SLC30A9: variants seen among roughly 807,000 people sequenced by gnomAD.
SLC30A9 encodes the protein proton-coupled zinc antiporter SLC30A9, mitochondrial.
Under a neutral mutation model 87.5 loss-of-function variants are expected in SLC30A9, and 58 were observed. That is an observed-to-expected ratio of 0.66 (90% CI 0.54 to 0.82). The LOEUF (loss-of-function observed/expected upper bound fraction) is 0.82, where lower values mean the gene tolerates loss of function less well. SLC30A9 is among the 40% of genes least tolerant of loss of function. The pLI is 0.00. For synonymous variants in SLC30A9, 234 were observed against 233.0 expected (o/e 1.00, Z -0.04); for missense variants, 557 against 679.1 (o/e 0.82, Z 2.00).
At chr4:42,021,571 G>A (rs1715949766) in intron 4 of SLC30A9, among the ~76,000 whole-genome samples, 1 of 152,100 alleles carries the variant, frequency 6.6e-6, no homozygotes, top group South Asian at 2.1e-4. Context: ...CAGAATTTAA[G>A]AGAAAGGAAA....
At chr4:42,011,561 A>AC (rs1458026936) in intron 2 of SLC30A9, among the ~76,000 whole-genome samples, 7 of 152,178 alleles carry the variant, frequency 4.6e-5, no homozygotes, top group Non-Finnish European at 2.9e-5. Context: ...GAGCACAAGA[A>AC]TGTGAAGAGG....
Position 42,025,822 on chromosome 4 carries a change from C to T in SLC30A9, c.610+2438C>T, listed in dbSNP as rs189922862. On this transcript the variant is annotated intron_variant, in intron 6 of 17. Coordinates refer to ENST00000264451, the MANE Select transcript of SLC30A9 (RefSeq NM_006345.4). ...CTAGGACTACAGGCACCCGCCACCG[C>T]GCCCAACTAATTTTTTGTATTTTTA... Among the ~76,000 whole-genome samples, 821 of 152,188 alleles carry T rather than the reference C, an allele frequency of 5.4e-3. 1 individual carries two copies. The highest frequency in any genetic ancestry group is 9.0e-3 in the Non-Finnish European group (612 of 67,994).
At chr4:42,014,177 T>G (rs894325311) in intron 2 of SLC30A9, among the ~76,000 whole-genome samples, 4 of 152,116 alleles carry the variant, frequency 2.6e-5, no homozygotes, top group Non-Finnish European at 5.9e-5. Flanking sequence ...AAAACTATAA[T>G]AAGATATCAT....
chr4:42,018,085 TA>T, intron 2 of SLC30A9, 25 bp from the exon 3 acceptor site: 1 of 1,352,958 alleles, frequency 7.4e-7, no homozygotes, highest in Non-Finnish European at 1.0e-6. Flanking sequence ...TTGTTTAATG[TA>T]AACTTCTTTT....
chr4:42,046,427 C>T (rs1717154326), intron 8 of SLC30A9, among the ~76,000 whole-genome samples: 1 of 152,158 alleles, frequency 6.6e-6, no homozygotes, highest in African/African-American at 2.4e-5. Flanking sequence ...CACAAGCATT[C>T]TTACATACCA....
chr4:42,001,685 C>A lies in SLC30A9; in HGVS notation c.179C>A (p.Thr60Asn). 1 of 1,608,144 alleles carries A rather than the reference C, an allele frequency of 6.2e-7. No homozygotes were observed. The highest frequency in any genetic ancestry group is 1.1e-5 in the South Asian group (1 of 90,816). Reference protein sequence around the residue: ...MVPCSHPYIGTLSQVKLYSTN... With the variant: ...MVPCSHPYIGNLSQVKLYSTN... ...CCCTGTAGTCATCCATATATTGGTA[C>A]CCTGAGTCAAGTAAAGTTGTACTCC... is the stretch of plus-strand genomic sequence containing the variant. The change falls in exon 2 of 18, where the codon ACC (threonine) becomes AAC (asparagine). Residue 60 changes from threonine (T) to asparagine (N), a missense_variant. By Grantham distance (65) the Thr-to-Asn change is moderately conservative. Coordinates refer to ENST00000264451, the MANE Select transcript of SLC30A9 (RefSeq NM_006345.4).
At chr4:42,008,591 T>G (rs1715312373) in intron 2 of SLC30A9, among the ~76,000 whole-genome samples, 1 of 152,116 alleles carries the variant, frequency 6.6e-6, no homozygotes, top group Non-Finnish European at 1.5e-5. Flanking sequence ...TGAGGAGAGA[T>G]CTTCTAGTAC....
intron 16 of SLC30A9, among the ~76,000 whole-genome samples, chr4:42,077,955 A>G (rs921559396): frequency 5.9e-5 from 9 of 151,926 alleles, no homozygotes; most frequent in Non-Finnish European, 1.5e-5. Context: ...TTCTTAAGGG[A>G]AAATATTCTA....
At chr4:42,085,496 T>A (rs7682975) in intron 17 of SLC30A9, among the ~76,000 whole-genome samples, 99,135 of 151,990 alleles carry the variant, frequency 0.65, 36,825 homozygotes, top group East Asian at 0.96. Flanking sequence ...ATACATGTGC[T>A]CATGTAACAC....
intron 1 of SLC30A9, among the ~76,000 whole-genome samples, chr4:41,995,972 A>C (rs553137921): frequency 1.3e-5 from 2 of 151,870 alleles, no homozygotes; most frequent in East Asian, 3.9e-4. Flanking sequence ...GGCCTCCCAA[A>C]GTGCTGGGAT....
chr4:42,075,466 C>CAA (rs201224389), intron 15 of SLC30A9, among the ~76,000 whole-genome samples, 191 bp from the exon 16 acceptor site: 1 of 148,216 alleles, frequency 6.7e-6, no homozygotes, highest in South Asian at 2.1e-4. Flanking sequence ...GATATCATGC[C>CAA]AAAAAAAAAG....
At chr4:42,049,025 C>T (rs1399266566) in intron 8 of SLC30A9, among the ~76,000 whole-genome samples, 3 of 152,124 alleles carry the variant, frequency 2.0e-5, no homozygotes, top group Non-Finnish European at 2.9e-5. Flanking sequence ...TGCAGTGGCA[C>T]GATCATAGCT....
intron 2 of SLC30A9, among the ~76,000 whole-genome samples, chr4:42,002,739 G>A (rs757564262): frequency 2.5e-4 from 38 of 152,126 alleles, no homozygotes; most frequent in Non-Finnish European, 4.7e-4. Context: ...ATGAACATAT[G>A]AGTGCATGTG....
At chr4:42,021,379 CAT>C (rs1039283222) in intron 4 of SLC30A9, among the ~76,000 whole-genome samples, 6 of 152,166 alleles carry the variant, frequency 3.9e-5, no homozygotes, top group East Asian at 1.9e-4. Flanking sequence ...TTTTTACTAA[CAT>C]GTGATGGTTA....
chr4:42,088,657 A>G lies in SLC30A9; in HGVS notation c.*2531A>G, dbSNP rs993191904. The G allele has an allele frequency of 6.6e-6, 1 of 152,304 alleles. No individual in the cohort carries two copies. The highest frequency in any genetic ancestry group is 6.5e-5 in the Admixed American group (1 of 15,280). The allele number at this position is 152,304 out of a possible 1,614,324, so 9.4% of individuals were successfully genotyped here. Reference sequence around the variant, plus strand: ...ACACTCTTGTAAACAACCAGATCTCATGAGAACTCACTATACAGTACCAAG... The same window carrying G: ...ACACTCTTGTAAACAACCAGATCTCGTGAGAACTCACTATACAGTACCAAG... On this transcript the variant is annotated 3_prime_UTR_variant, in exon 18 of 18. Coordinates refer to ENST00000264451, the MANE Select transcript of SLC30A9 (RefSeq NM_006345.4).
At chr4:42,032,216 C>T (rs1423457882) in intron 6 of SLC30A9, among the ~76,000 whole-genome samples, 1 of 151,710 alleles carries the variant, frequency 6.6e-6, no homozygotes, top group Non-Finnish European at 1.5e-5. Flanking sequence ...AGTTACCCCC[C>T]CACCAGGCCC....
intron 17 of SLC30A9, among the ~76,000 whole-genome samples, chr4:42,079,957 A>G (rs1342489664): frequency 6.6e-6 from 1 of 152,160 alleles, no homozygotes; most frequent in Admixed American, 6.5e-5. Flanking sequence ...AAATGAAAAA[A>G]CGTAGTTAGA....
At chr4:42,024,748 T>G (rs2153135869) in intron 6 of SLC30A9, among the ~76,000 whole-genome samples, 1 of 152,338 alleles carries the variant, frequency 6.6e-6, no homozygotes, top group Non-Finnish European at 1.5e-5. Flanking sequence ...TTTTAACTTT[T>G]TTGTGTATTT....
intron 1 of SLC30A9, 150 bp downstream of exon 1, chr4:41,990,910 C>A: frequency 1.6e-6 from 1 of 633,560 alleles, no homozygotes; most frequent in Non-Finnish European, 2.8e-6. Context: ...GTTCAGCCTG[C>A]GCAGCCCGCG....
Sources: gnomAD v4.1 joint callset for allele counts (sites outside exome capture counted in the v4.1 genomes callset) on GRCh38, gnomAD v4.1.1 for gene constraint, MANE v1.5 for transcripts, NCBI Gene and HGNC (gene_info 2026-07-23, HGNC 2026-07-21) for gene names.